The following TLR8 variants were observed in gnomAD, a reference collection of about 807,000 sequenced individuals.
TLR8 encodes toll like receptor 8.
Under a neutral mutation model 18.5 loss-of-function variants are expected in TLR8, and 5 were observed. The ratio of observed to expected loss-of-function variants is 0.27; its 90% CI spans 0.14 to 0.57. TLR8 has a LOEUF of 0.57. Among genes scored for constraint, TLR8 ranks in the 20% least tolerant of loss-of-function variants. The pLI is 0.92. For synonymous variants in TLR8, 299 were observed against 300.1 expected (o/e 1.00, Z 0.04); for missense variants, 543 against 769.8 (o/e 0.71, Z 3.49).
intron 1 of TLR8, among the ~76,000 whole-genome samples, chrX:12,912,544 C>T (rs759874065): frequency 8.8e-5 from 10 of 113,522 alleles, no homozygotes; most frequent in African/African-American, 1.3e-4. Context: ...CAGTCCTGCA[C>T]GGAATATAGA....
intron 1 of TLR8, among the ~76,000 whole-genome samples, chrX:12,907,802 C>T (rs751908196): frequency 5.4e-5 from 6 of 110,920 alleles, no homozygotes; most frequent in African/African-American, 2.0e-4. Context: ...GCTGGGATTA[C>T]AGGCATGAGC....
chrX:12,916,696 G>C (rs1026644768), intron 1 of TLR8, among the ~76,000 whole-genome samples: 1 of 112,157 alleles, frequency 8.9e-6, no homozygotes, highest in Admixed American at 9.5e-5. Flanking sequence ...AATGCCCATT[G>C]ATTGGCCTTA....
At chrX:12,912,538 C>T (rs1402085348) in intron 1 of TLR8, among the ~76,000 whole-genome samples, 1 of 113,562 alleles carries the variant, frequency 8.8e-6, no homozygotes. Flanking sequence ...TCTGTGCAGT[C>T]CTGCACGGAA....
At chrX:12,912,314 C>G (rs1420183318) in intron 1 of TLR8, among the ~76,000 whole-genome samples, 1 of 112,736 alleles carries the variant, frequency 8.9e-6, no homozygotes, top group Non-Finnish European at 1.9e-5. Context: ...CTTTTGGAGC[C>G]ACAACTTTTG....
chrX:12,919,769 G>A lies in TLR8; in HGVS notation c.729G>A (p.Lys243=). ...QIKYISEEDF[K]GLINLTLLDL... is the part of the protein sequence containing the mutation. ...AATACATTAGTGAAGAAGATTTCAAGGGATTGATAAATTTAACATTACTAG... is the reference window on the plus strand; with the variant it reads ...AATACATTAGTGAAGAAGATTTCAAAGGATTGATAAATTTAACATTACTAG... Residue 243 remains lysine (K), a synonymous_variant, in exon 2 of 2, where the codon AAG becomes AAA. Transcript: ENST00000218032. 8.3e-7 allele frequency: 1 copy of A among 1,211,499 alleles called. No homozygotes were observed. The highest frequency in any genetic ancestry group is 1.1e-6 in the Non-Finnish European group (1 of 895,425).
chrX:12,918,735 A>G (rs749966361), intron 1 of TLR8, among the ~76,000 whole-genome samples: 1 of 110,795 alleles, frequency 9.0e-6, no homozygotes, highest in Non-Finnish European at 1.9e-5. Flanking sequence ...GGGTCTCCCT[A>G]TGCTGCCCAG....
At chrX:12,918,476 C>T (rs1247612556) in intron 1 of TLR8, among the ~76,000 whole-genome samples, 1 of 111,716 alleles carries the variant, frequency 9.0e-6, no homozygotes, top group Non-Finnish European at 1.9e-5. Flanking sequence ...ATGGCCTCTG[C>T]AGAAGCTTCC....
chrX:12,912,283 G>A (rs1031771604), intron 1 of TLR8, among the ~76,000 whole-genome samples: 2 of 112,683 alleles, frequency 1.8e-5, no homozygotes, highest in Admixed American at 1.9e-4. Context: ...CTTCATCTGG[G>A]ACCAGATGCC....
intron 1 of TLR8, chrX:12,910,275 G>C: frequency 9.0e-7 from 1 of 1,105,831 alleles, no homozygotes; most frequent in Non-Finnish European, 1.2e-6. Flanking sequence ...TAATTCAACT[G>C]AGGAGATTAA....
At chrX:12,912,053 G>T (rs2043024486) in intron 1 of TLR8, among the ~76,000 whole-genome samples, 1 of 110,549 alleles carries the variant, frequency 9.0e-6, no homozygotes, top group Non-Finnish European at 1.9e-5. Flanking sequence ...AGTTGGTTGT[G>T]CTCTCTCACT....
At chrX:12,913,552 T>C (rs1233563788) in intron 1 of TLR8, among the ~76,000 whole-genome samples, 2 of 112,932 alleles carry the variant, frequency 1.8e-5, no homozygotes, top group African/African-American at 3.2e-5. Context: ...ACATGGTATT[T>C]CATTGTGTGA....
chrX:12,919,976 T>C lies in TLR8; in HGVS notation c.936T>C (p.His312=). Residue 312 remains histidine (H), a synonymous_variant, in exon 2 of 2, where the codon CAT becomes CAC. Coordinates refer to ENST00000218032, the MANE Select transcript of TLR8 (RefSeq NM_138636.5). ...CTGCCTGGTTTAAAAATATGCCTCA[T>C]CTGAAGGTGCTGGATCTTGAATTCA... is the stretch of plus-strand genomic sequence containing the variant. ...INAAWFKNMP[H]LKVLDLEFNY... is the part of the protein sequence containing the mutation. 1 of 1,211,901 alleles carries C rather than the reference T, an allele frequency of 8.3e-7. No individual in the cohort carries two copies. Among genetic ancestry groups the C allele is most frequent in the Non-Finnish European group, 1.1e-6 (1 of 895,576 alleles).
chrX:12,917,959 C>CA (rs1465199710), intron 1 of TLR8, among the ~76,000 whole-genome samples: 1 of 111,939 alleles, frequency 8.9e-6, no homozygotes, highest in East Asian at 2.8e-4. Context: ...CAGATTTGCT[C>CA]AAGTCCCAGT....
In TLR8 at chrX:12,919,714, G is replaced by A. The variant is rs889236034; in HGVS notation, c.674G>A (p.Arg225His). 3.3e-6 allele frequency: 4 copies of A among 1,209,979 alleles called. No homozygotes were observed. Among genetic ancestry groups the A allele is most frequent in the South Asian group, 1.8e-5 (1 of 56,635 alleles). The change falls in exon 2 of 2, where the codon CGC (arginine) becomes CAC (histidine). Residue 225 changes from arginine to histidine, a missense_variant. Arg to His is a conservative substitution (Grantham distance 29). Transcript: ENST00000218032. ...HVPPKLPSSL[R>H]KLFLSNTQIK... ...CCACCCAAACTGCCAAGCTCCCTAC[G>A]CAAACTTTTTCTGAGCAACACCCAG...
Position 12,921,062 on chromosome X carries a change from T to C in TLR8, c.2022T>C (p.Asn674=). 15 of 1,211,207 alleles carry C rather than the reference T, an allele frequency of 1.2e-5. No individual in the cohort carries two copies. The highest frequency in any genetic ancestry group is 1.7e-5 in the Non-Finnish European group (15 of 895,207). The change falls in exon 2 of 2, where the codon AAT becomes AAC. Residue 674 remains asparagine (N), a synonymous_variant. Coordinates refer to ENST00000218032, the MANE Select transcript of TLR8 (RefSeq NM_138636.5). ...ASLTELHIND[N]MLKFFNWTLL... The stretch of plus-strand genomic sequence containing the variant: ...TCACTGAACTACATATAAATGATAA[T>C]ATGTTAAAGTTTTTTAACTGGACAT...
At chrX:12,907,759 T>C (rs949844771) in intron 1 of TLR8, among the ~76,000 whole-genome samples, 5 of 110,653 alleles carry the variant, frequency 4.5e-5, no homozygotes, top group Non-Finnish European at 9.5e-5. Context: ...ACTCCTGACC[T>C]CAGGTGATCC....
At position 12,919,095 on chromosome X, in the gene TLR8, T is replaced by G. The variant is rs1324053224; in HGVS notation, c.55T>G (p.Ser19Ala). 9.9e-6 allele frequency: 12 copies of G among 1,211,191 alleles called. No homozygotes were observed. The highest frequency in any genetic ancestry group is 1.3e-5 in the Non-Finnish European group (12 of 895,174). ...GCTGACCTGCATTTTCCTGCTAATA[T>G]CTGGTTCCTGTGAGTTATGCGCCGA... is the stretch of plus-strand genomic sequence containing the variant. ...SMLTCIFLLISGSCELCAEEN... is the reference protein window; with the variant it reads ...SMLTCIFLLIAGSCELCAEEN... Residue 19 changes from serine to alanine, a missense_variant, in exon 2 of 2, where the codon TCT becomes GCT. Physicochemically the swap from Ser to Ala is moderately conservative, Grantham distance 99. Around this residue, in one of 4 missense-constraint regions of TLR8, gnomAD observed 117 missense variants for 111.0 expected, o/e 1.05. Coordinates refer to ENST00000218032, the MANE Select transcript of TLR8 (RefSeq NM_138636.5).
intron 1 of TLR8, 33 bp from the exon 2 acceptor site, chrX:12,919,011 T>C: frequency 8.5e-7 from 1 of 1,179,443 alleles, no homozygotes. Context: ...ACTGCTACTC[T>C]AATACTGTGC....
At chrX:12,910,510 G>A (rs1602449519) in intron 1 of TLR8, 23 of 1,082,688 alleles carry the variant, frequency 2.1e-5, no homozygotes, top group Admixed American at 2.7e-5. Context: ...TGCACACTAC[G>A]TGGAATTTAT....
Sources: gnomAD v4.1 joint callset for allele counts (sites outside exome capture counted in the v4.1 genomes callset) on GRCh38, gnomAD v4.1.1 for gene constraint, gnomAD v4.1.1 regional missense constraint, MANE v1.5 for transcripts, NCBI Gene and HGNC (gene_info 2026-07-23, HGNC 2026-07-21) for gene names.